ZFP1: variants seen among roughly 807,000 people sequenced by gnomAD.
ZFP1 encodes the protein ZFP1 zinc finger protein, also known as zinc finger protein 1 homolog.
A neutral mutation model predicts 38.5 loss-of-function variants in ZFP1; 32 were observed. The ratio of observed to expected loss-of-function variants is 0.83; its 90% CI spans 0.63 to 1.12. The LOEUF is 1.12. Among genes scored for constraint, ZFP1 ranks in the 50% most tolerant of loss-of-function variants. The pLI is 0.00. For missense variants in ZFP1, 616 were observed against 480.8 expected, an observed-to-expected ratio of 1.28 and a Z score of -2.63; for synonymous variants, 245 against 168.8, an observed-to-expected ratio of 1.45 and a Z score of -3.50.
chr16:75,139,430 G>A, the ZFP1 span, among the ~76,000 whole-genome samples: 66 of 144,248 alleles, frequency 4.6e-4, no homozygotes, highest in Admixed American at 5.0e-4. Flanking sequence ...GGGGGCTCAC[G>A]CCTATAATTT....
the ZFP1 span, among the ~76,000 whole-genome samples, chr16:75,123,989 G>A: frequency 6.6e-6 from 1 of 151,602 alleles, no homozygotes; most frequent in Non-Finnish European, 1.5e-5. Flanking sequence ...AACTACTCGG[G>A]AGGCAGAGGG....
At chr16:75,168,547 GAAA>G (rs34594499) in intron 3 of ZFP1, among the ~76,000 whole-genome samples, 1 of 149,116 alleles carries the variant, frequency 6.7e-6, no homozygotes, top group Non-Finnish European at 1.5e-5. Context: ...AACTTCAGTA[GAAA>G]AAAAAAAGCA....
the ZFP1 span, among the ~76,000 whole-genome samples, chr16:75,135,009 G>A: frequency 1.1e-4 from 17 of 151,284 alleles, no homozygotes; most frequent in East Asian, 3.9e-4. Flanking sequence ...AGCTGAGATC[G>A]TGCCATTGCA....
chr16:75,147,470 AG>A (rs2036967014), upstream of ZFP1, among the ~76,000 whole-genome samples: 1 of 146,526 alleles, frequency 6.8e-6, no homozygotes, highest in Non-Finnish European at 1.5e-5. Context: ...TTTTTTTTTA[AG>A]AGATGAGGTT....
At chr16:75,141,347 C>T in the ZFP1 span, among the ~76,000 whole-genome samples, 1,689 of 151,702 alleles carry the variant, frequency 0.011, 33 homozygotes, top group African/African-American at 0.038. Context: ...GGACTACAGG[C>T]GCCCACCACC....
At chr16:75,126,023 C>A in the ZFP1 span, among the ~76,000 whole-genome samples, 1,751 of 133,552 alleles carry the variant, frequency 0.013, 18 homozygotes, top group Middle Eastern at 0.034. Context: ...GAACTCCAGC[C>A]TGGGCAACAG....
intron 1 of ZFP1, chr16:75,148,916 C>G (rs1237159388): frequency 4.0e-5 from 6 of 151,886 alleles, no homozygotes; most frequent in Admixed American, 2.0e-4. Context: ...GCGCCTCAGA[C>G]GGGCGGCGAA....
the ZFP1 span, among the ~76,000 whole-genome samples, chr16:75,130,551 C>T: frequency 6.6e-6 from 1 of 152,196 alleles, no homozygotes; most frequent in East Asian, 1.9e-4. Context: ...TGCTCAAGCT[C>T]AGTCACCCAA....
At chr16:75,165,243 G>GTTAC (rs1375626627) in intron 2 of ZFP1, among the ~76,000 whole-genome samples, 2 of 152,148 alleles carry the variant, frequency 1.3e-5, no homozygotes, top group South Asian at 2.1e-4. Flanking sequence ...AATCTAGTTA[G>GTTAC]TTACTTACTT....
At chr16:75,136,429 C>T in the ZFP1 span, among the ~76,000 whole-genome samples, 2 of 152,134 alleles carry the variant, frequency 1.3e-5, no homozygotes, top group Admixed American at 6.6e-5. Context: ...ATGGTAGGAG[C>T]CAGGCTTCTC....
At chr16:75,149,612 T>A (rs1198477999) in intron 1 of ZFP1, among the ~76,000 whole-genome samples, 55 of 134,020 alleles carry the variant, frequency 4.1e-4, no homozygotes, top group African/African-American at 1.5e-3. Context: ...CAGGCTGGAG[T>A]GCAGTGGCTT....
intron 2 of ZFP1, among the ~76,000 whole-genome samples, chr16:75,155,033 A>G (rs1489080020): frequency 1.3e-5 from 2 of 152,136 alleles, no homozygotes; most frequent in African/African-American, 4.8e-5. Context: ...TCCTGGGCTC[A>G]AGTGATCCAC....
chr16:75,121,934 T>C, the ZFP1 span, among the ~76,000 whole-genome samples: 1 of 152,340 alleles, frequency 6.6e-6, no homozygotes, highest in Non-Finnish European at 1.5e-5. Flanking sequence ...TTCATACTTA[T>C]CCCTGCCAAA....
the ZFP1 span, chr16:75,127,972 A>G: frequency 6.6e-6 from 1 of 152,232 alleles, no homozygotes; most frequent in African/African-American, 2.4e-5. Flanking sequence ...CTAACTTATG[A>G]CAATACAGTT....
chr16:75,124,925 G>C, the ZFP1 span, among the ~76,000 whole-genome samples: 38 of 130,130 alleles, frequency 2.9e-4, no homozygotes, highest in African/African-American at 1.1e-3. Flanking sequence ...AAAGAATTTT[G>C]TATGATAAAT....
At chr16:75,166,497 G>A (rs1343299157) in intron 2 of ZFP1, 1 of 976,190 alleles carries the variant, frequency 1.0e-6, no homozygotes, top group Non-Finnish European at 1.2e-6. Context: ...CCAAAGTGCT[G>A]GGATTACAGG....
At chr16:75,138,947 G>C in the ZFP1 span, among the ~76,000 whole-genome samples, 11,299 of 152,158 alleles carry the variant, frequency 0.074, 1,403 homozygotes, top group African/African-American at 0.26. Context: ...TGACGTAATG[G>C]AAGTGGCACT....
In ZFP1 at chr16:75,170,558, T is replaced by G. The variant is rs1208218493; in HGVS notation, c.*224T>G. 1 of 524,398 alleles carries G rather than the reference T, an allele frequency of 1.9e-6. No homozygotes were observed. The highest frequency in any genetic ancestry group is 3.0e-6 in the Non-Finnish European group (1 of 332,014). The allele number at this position is 524,398 out of a possible 1,614,324, so 32.5% of individuals were successfully genotyped here. A position where few individuals can be genotyped will look rare whatever the true frequency, so the allele number is the denominator to read the frequency against. On this transcript the variant is annotated 3_prime_UTR_variant, in exon 4 of 4. Transcript: ENST00000570010. ...GAATATATCCAGTTGTAAATAGCCATACCCAGTTGTACTACAATGAGCTTT... is the reference window on the plus strand; with the variant it reads ...GAATATATCCAGTTGTAAATAGCCAGACCCAGTTGTACTACAATGAGCTTT...
At chr16:75,127,458 C>T in the ZFP1 span, among the ~76,000 whole-genome samples, 3 of 152,138 alleles carry the variant, frequency 2.0e-5, no homozygotes, top group Non-Finnish European at 2.9e-5. Context: ...GTAGCTGGGA[C>T]TGCAGGCATG....
Sources: gnomAD v4.1 joint callset for allele counts (sites outside exome capture counted in the v4.1 genomes callset) on GRCh38, gnomAD v4.1.1 for gene constraint, MANE v1.5 for transcripts, NCBI Gene and HGNC (gene_info 2026-07-23, HGNC 2026-07-21) for gene names.